RIMS1: variants seen among roughly 807,000 people sequenced by gnomAD.
RIMS1 encodes regulating synaptic membrane exocytosis 1.
In RIMS1, 83 loss-of-function variants were observed where a neutral mutation model predicts 214.1. The observed-to-expected ratio is 0.39, with a 90% CI of 0.32 to 0.47. The LOEUF (loss-of-function observed/expected upper bound fraction) is 0.47. Ranked by LOEUF, RIMS1 falls within the 20% of genes least tolerant of loss-of-function variation. The pLI is 0.99. For synonymous variants in RIMS1, 793 were observed against 786.8 expected (o/e 1.01, Z -0.13); for missense variants, 2,050 against 2,161.8 (o/e 0.95, Z 1.03).
chr6:72,199,482 CT>C (rs890788094), intron 6 of RIMS1, among the ~76,000 whole-genome samples: 2 of 151,918 alleles, frequency 1.3e-5, no homozygotes, highest in African/African-American at 2.4e-5. Context: ...AGAATAAACC[CT>C]TTTTTTCATT....
intron 1 of RIMS1, among the ~76,000 whole-genome samples, chr6:71,933,714 ACAC>A (rs1192421258): frequency 7.1e-4 from 107 of 151,146 alleles, no homozygotes; most frequent in African/African-American, 2.1e-3. Context: ...ACACACACAC[ACAC>A]AAGTTGTATT....
chr6:71,999,670 CTTTAATAATA>C (rs1313128074), intron 2 of RIMS1, among the ~76,000 whole-genome samples: 1 of 152,062 alleles, frequency 6.6e-6, no homozygotes, highest in Non-Finnish European at 1.5e-5. Context: ...AATCGTCCAC[CTTTAATAATA>C]TTTAATGCAC....
intron 2 of RIMS1, among the ~76,000 whole-genome samples, chr6:72,003,280 A>G (rs1215531716): frequency 6.6e-6 from 1 of 151,976 alleles, no homozygotes; most frequent in Admixed American, 6.6e-5. Context: ...AGCACTGGAC[A>G]CCCTTACCTA....
At chr6:72,032,329 A>C (rs1818360475) in intron 2 of RIMS1, among the ~76,000 whole-genome samples, 1 of 152,148 alleles carries the variant, frequency 6.6e-6, no homozygotes, top group Non-Finnish European at 1.5e-5. Flanking sequence ...CAGTTGTTTC[A>C]TGTGTGAATT....
chr6:72,248,191 T>G (rs919057572), intron 12 of RIMS1, 64 bp downstream of exon 12: 87 of 967,714 alleles, frequency 9.0e-5, no homozygotes, highest in Non-Finnish European at 1.4e-4. Context: ...AGTCTGTCTT[T>G]AAATATGTTC....
Position 72,400,737 on chromosome 6 carries a change from C to T in RIMS1, c.*23C>T. On this transcript the variant is annotated 3_prime_UTR_variant, in exon 34 of 34. Coordinates refer to ENST00000521978, the MANE Select transcript of RIMS1 (RefSeq NM_014989.7). ...TAGTGAACTCATACCAGAGTCATTC[C>T]AATAAAACTCTACTTTTCAGGATAA... is the stretch of plus-strand genomic sequence containing the variant. 1 of 1,511,254 alleles carries T rather than the reference C, an allele frequency of 6.6e-7. No homozygotes were observed. The highest frequency in any genetic ancestry group is 9.2e-7 in the Non-Finnish European group (1 of 1,092,026). 93.6% of individuals were successfully genotyped at this position (1,511,254 alleles called of 1,614,324 possible). A position where few individuals can be genotyped will look rare whatever the true frequency, so the allele number is the denominator to read the frequency against.
At chr6:71,994,124 A>G (rs1802693069) in intron 2 of RIMS1, among the ~76,000 whole-genome samples, 1 of 152,190 alleles carries the variant, frequency 6.6e-6, no homozygotes, top group African/African-American at 2.4e-5. Context: ...GGAGATGGTA[A>G]TGGGAATTCC....
At chr6:72,078,745 T>A (rs1832536957) in intron 2 of RIMS1, among the ~76,000 whole-genome samples, 1 of 152,114 alleles carries the variant, frequency 6.6e-6, no homozygotes, top group African/African-American at 2.4e-5. Context: ...TCTGAACCAA[T>A]TATACATGCC....
chr6:71,897,818 GATGA>G (rs3076621), intron 1 of RIMS1, among the ~76,000 whole-genome samples: 10 of 151,776 alleles, frequency 6.6e-5, no homozygotes, highest in South Asian at 4.2e-4. Flanking sequence ...TATATGGATG[GATGA>G]ATGAATGAAT....
intron 29 of RIMS1, among the ~76,000 whole-genome samples, chr6:72,372,746 G>A (rs2098258340): frequency 6.6e-6 from 1 of 152,198 alleles, no homozygotes; most frequent in Non-Finnish European, 1.5e-5. Context: ...TTCAGCGATT[G>A]GTTTGCTATT....
intron 10 of RIMS1, among the ~76,000 whole-genome samples, chr6:72,243,073 C>A (rs1209591834): frequency 6.6e-6 from 1 of 151,538 alleles, no homozygotes; most frequent in Non-Finnish European, 1.5e-5. Context: ...TCTGGCAAAC[C>A]CACATGGTCC....
intron 1 of RIMS1, among the ~76,000 whole-genome samples, chr6:71,908,936 C>T (rs1434654767): frequency 6.6e-6 from 1 of 152,112 alleles, no homozygotes; most frequent in Non-Finnish European, 1.5e-5. Context: ...ATAATTTAAT[C>T]TAAACTTTCT....
At chr6:72,066,927 G>A (rs935695001) in intron 2 of RIMS1, among the ~76,000 whole-genome samples, 4 of 152,074 alleles carry the variant, frequency 2.6e-5, no homozygotes, top group Admixed American at 6.6e-5. Flanking sequence ...TAGCTGATAC[G>A]TTACTAAATT....
intron 1 of RIMS1, among the ~76,000 whole-genome samples, chr6:71,965,393 G>T (rs1794160592): frequency 6.6e-6 from 1 of 152,106 alleles, no homozygotes; most frequent in African/African-American, 2.4e-5. Context: ...TTTCTTGAAG[G>T]CATTTAGAAT....
intron 29 of RIMS1, among the ~76,000 whole-genome samples, chr6:72,361,901 A>G (rs1053493735): frequency 6.6e-6 from 1 of 152,238 alleles, no homozygotes; most frequent in African/African-American, 2.4e-5. Context: ...CCCCATTGCC[A>G]TGTAACATAG....
intron 10 of RIMS1, among the ~76,000 whole-genome samples, chr6:72,245,331 A>G (rs557267710): frequency 7.9e-5 from 12 of 151,958 alleles, no homozygotes; most frequent in African/African-American, 2.7e-4. Context: ...TTCCAAAGCA[A>G]CTCATCCTTT....
At chr6:72,397,402 G>A (rs2098791851) in intron 31 of RIMS1, among the ~76,000 whole-genome samples, 1 of 152,128 alleles carries the variant, frequency 6.6e-6, no homozygotes, top group South Asian at 2.1e-4. Flanking sequence ...CAAAAATTAA[G>A]CATTTTTTTG....
chr6:72,281,713 C>T (rs1391524594), intron 23 of RIMS1, among the ~76,000 whole-genome samples: 1 of 151,912 alleles, frequency 6.6e-6, no homozygotes, highest in South Asian at 2.1e-4. Flanking sequence ...ATATACATGG[C>T]TATCTCCTTC....
At chr6:72,090,073 T>A (rs1341382612) in intron 2 of RIMS1, among the ~76,000 whole-genome samples, 3 of 149,110 alleles carry the variant, frequency 2.0e-5, no homozygotes, top group African/African-American at 7.3e-5. Flanking sequence ...TAATGCTAGA[T>A]GACGAGTTAG....
Sources: gnomAD v4.1 joint callset for allele counts (sites outside exome capture counted in the v4.1 genomes callset) on GRCh38, gnomAD v4.1.1 for gene constraint, MANE v1.5 for transcripts, NCBI Gene and HGNC (gene_info 2026-07-23, HGNC 2026-07-21) for gene names.